Variants in TIMP3 observed in about 807,000 individuals in gnomAD.
TIMP3 encodes TIMP metallopeptidase inhibitor 3, also known as metalloproteinase inhibitor 3.
Under a neutral mutation model 30.0 loss-of-function variants are expected in TIMP3, and 11 were observed. The ratio of observed to expected loss-of-function variants is 0.37; its 90% confidence interval spans 0.23 to 0.61. The LOEUF (loss-of-function observed/expected upper bound fraction) is 0.61, where lower values mean the gene tolerates loss of function less well. Ranked by LOEUF, TIMP3 falls within the 20% of genes least tolerant of loss-of-function variation. The probability of loss-of-function intolerance (pLI) is 0.70; values close to 1 mark genes in which losing one functional copy is unlikely to be tolerated. For missense variants in TIMP3, 181 were observed against 276.8 expected (o/e 0.65, Z 2.45); for synonymous variants, 112 against 111.3 (o/e 1.01, Z -0.04).
At position 32,861,442 on chromosome 22, in the gene TIMP3, G is replaced by A. The variant is rs1310498122; in HGVS notation, c.*2065G>A. ...GTTTTGAAGGGATGAGCCCAGACTT[G>A]ATGTTTTGGGATTGTCCTTATTTTA... On this transcript the variant is annotated 3_prime_UTR_variant, in exon 5 of 5. Coordinates refer to ENST00000266085, the MANE Select transcript of TIMP3 (RefSeq NM_000362.5). 1 of 152,228 alleles carries A rather than the reference G, an allele frequency of 6.6e-6. No individual in the cohort carries two copies. The highest frequency in any genetic ancestry group is 1.5e-5 in the Non-Finnish European group (1 of 68,028). 9.4% of individuals were successfully genotyped at this position (152,228 alleles called of 1,614,324 possible).
At chr22:32,812,384 T>A (rs1386113854) in intron 1 of TIMP3, among the ~76,000 whole-genome samples, 2 of 152,180 alleles carry the variant, frequency 1.3e-5, no homozygotes, top group African/African-American at 4.8e-5. Flanking sequence ...GATGACATAT[T>A]TGACCACCAA....
intron 2 of TIMP3, among the ~76,000 whole-genome samples, chr22:32,851,704 G>A (rs1433973785): frequency 1.3e-5 from 2 of 152,250 alleles, no homozygotes; most frequent in East Asian, 1.9e-4. Flanking sequence ...CTGAGGCATC[G>A]GAATTTCTTC....
At chr22:32,812,874 T>C (rs1414195722) in intron 1 of TIMP3, among the ~76,000 whole-genome samples, 2 of 152,124 alleles carry the variant, frequency 1.3e-5, no homozygotes, top group Non-Finnish European at 2.9e-5. Context: ...CTGAGGAAGT[T>C]TGGAAGGTCA....
intron 1 of TIMP3, among the ~76,000 whole-genome samples, chr22:32,840,471 C>T (rs1025005151): frequency 1.3e-5 from 2 of 152,056 alleles, no homozygotes; most frequent in Admixed American, 1.3e-4. Context: ...AGAGAGAGTT[C>T]CTCTTCACTC....
chr22:32,801,856 A>C lies in TIMP3; in HGVS notation c.-146A>C. ...TGCGCCCCATCCCGTCCCGCCGGGC[A>C]CTCGGAGGGCAGCGCGCCGGAGGCC... is the stretch of plus-strand genomic sequence containing the variant. On this transcript the variant is annotated 5_prime_UTR_variant, in exon 1 of 5. Coordinates refer to ENST00000266085, the MANE Select transcript of TIMP3 (RefSeq NM_000362.5). The surrounding 1 kb of genome is among the most constrained non-coding windows in gnomAD (Gnocchi z 4.7). 9.6e-7 allele frequency: 1 copy of C among 1,037,006 alleles called. No homozygotes were observed. The highest frequency in any genetic ancestry group is 1.2e-6 in the Non-Finnish European group (1 of 816,060). The allele number at this position is 1,037,006 out of a possible 1,614,324, so 64.2% of individuals were successfully genotyped here.
chr22:32,812,441 C>A (rs540068280), intron 1 of TIMP3, among the ~76,000 whole-genome samples: 1 of 152,186 alleles, frequency 6.6e-6, no homozygotes, highest in African/African-American at 2.4e-5. Context: ...AGCAACCTTG[C>A]AGACTTAGTC....
chr22:32,856,996 T>C (rs1569279746), intron 2 of TIMP3, among the ~76,000 whole-genome samples: 1 of 152,242 alleles, frequency 6.6e-6, no homozygotes, highest in South Asian at 2.1e-4. Flanking sequence ...GATTTCATTC[T>C]TTTTTCTGGA....
intron 1 of TIMP3, among the ~76,000 whole-genome samples, chr22:32,842,816 G>A (rs1440926080): frequency 6.6e-6 from 1 of 152,240 alleles, no homozygotes; most frequent in South Asian, 2.1e-4. Context: ...TGCTGATGGC[G>A]ATGACTTCTA....
chr22:32,860,911 GTGTT>G lies in TIMP3; in HGVS notation c.*1536_*1539del, dbSNP rs2048516991. The G allele has an allele frequency of 1.0e-5, 1 of 98,832 alleles. No individual in the cohort carries two copies. Among genetic ancestry groups the G allele is most frequent in the Admixed American group, 9.2e-5 (1 of 10,846 alleles). The allele number at this position is 98,832 out of a possible 1,614,324, so 6.1% of individuals were successfully genotyped here. A position where few individuals can be genotyped will look rare whatever the true frequency, so the allele number is the denominator to read the frequency against. On this transcript the variant is annotated 3_prime_UTR_variant, in exon 5 of 5. Coordinates refer to ENST00000266085, the MANE Select transcript of TIMP3 (RefSeq NM_000362.5). ...TGCAACCAGTTGTAGGGTTTCTGTT[GTGTT>G]TTTTTTTTTTTTTTTGAAATAAAAC...
intron 1 of TIMP3, among the ~76,000 whole-genome samples, chr22:32,817,133 G>A (rs553226419): frequency 6.6e-6 from 1 of 151,822 alleles, no homozygotes; most frequent in Non-Finnish European, 1.5e-5. Flanking sequence ...TGGGAGAATC[G>A]CTTGAGTCCA....
intron 1 of TIMP3, among the ~76,000 whole-genome samples, chr22:32,813,345 C>T (rs978816037): frequency 5.3e-5 from 8 of 152,196 alleles, no homozygotes; most frequent in Admixed American, 2.0e-4. Flanking sequence ...TGTGGTGAAC[C>T]GTACAGTCCA....
At chr22:32,814,159 A>AGG (rs1234254406) in intron 1 of TIMP3, among the ~76,000 whole-genome samples, 1 of 130,706 alleles carries the variant, frequency 7.7e-6, no homozygotes, top group Non-Finnish European at 1.6e-5. Flanking sequence ...AGAGAGAGAG[A>AGG]GAGAGAGAAA....
rs74867892 is a variant in TIMP3, at chr22:32,839,701, C to G, written c.122-9751C>G. Among the ~76,000 whole-genome samples, 413 of 152,260 alleles carry G rather than the reference C, an allele frequency of 2.7e-3. 8 individuals carry two copies. In the East Asian group the frequency reaches 0.062, roughly 23 times the overall value. On this transcript the variant is annotated intron_variant, in intron 1 of 4. Transcript: ENST00000266085. ...ATTCATCCCAAGTCCAGGCATATAC[C>G]TAGAAGGAGCGACTCTTAAATTTTG...
chr22:32,830,614 G>A (rs1318064592), intron 1 of TIMP3, among the ~76,000 whole-genome samples: 1 of 152,184 alleles, frequency 6.6e-6, no homozygotes, highest in Non-Finnish European at 1.5e-5. Flanking sequence ...AGATATGCGA[G>A]TTAAAGGAAT....
chr22:32,818,752 A>G (rs192178734), intron 1 of TIMP3, among the ~76,000 whole-genome samples: 1 of 152,272 alleles, frequency 6.6e-6, no homozygotes. Context: ...GGAAAGTCTC[A>G]GGATAAAACT....
chr22:32,802,775 A>G (rs1376480226), intron 1 of TIMP3, among the ~76,000 whole-genome samples: 2 of 152,220 alleles, frequency 1.3e-5, no homozygotes, highest in Non-Finnish European at 2.9e-5. Flanking sequence ...GATAGCCAGC[A>G]GAAGGTGCGA....
At chr22:32,833,738 C>G (rs1488685117) in intron 1 of TIMP3, 1 of 493,452 alleles carries the variant, frequency 2.0e-6, no homozygotes, top group Non-Finnish European at 4.1e-6. Flanking sequence ...GGGAGAGTCA[C>G]TTCTTCTTTA....
chr22:32,832,673 G>GTATTTTATTT lies in TIMP3; in HGVS notation c.122-16759_122-16750dup, dbSNP rs564439917. On this transcript the variant is annotated intron_variant, in intron 1 of 4. Transcript: ENST00000266085. ...CAGAGTCTGGTTTGAAAACCCTCGA[G>GTATTTTATTT]TATTTTATTTTATTTTATTTTATTT... Among the ~76,000 whole-genome samples, 802 of 151,568 alleles carry GTATTTTATTT rather than the reference G, an allele frequency of 5.3e-3. 5 individuals are homozygous for GTATTTTATTT. The highest frequency in any genetic ancestry group is 0.018 in the South Asian group (86 of 4,784).
intron 1 of TIMP3, among the ~76,000 whole-genome samples, chr22:32,808,442 C>T (rs377633040): frequency 6.6e-6 from 1 of 152,100 alleles, no homozygotes; most frequent in South Asian, 2.1e-4. Context: ...CCAAGAAGGA[C>T]GCTGGGGTCT....
Sources: allele counts gnomAD v4.1 joint callset (sites outside exome capture counted in the v4.1 genomes callset), GRCh38; gene constraint gnomAD v4.1.1; non-coding constraint Gnocchi (gnomAD v3.1); transcripts MANE v1.5; gene names NCBI Gene and HGNC (gene_info 2026-07-23, HGNC 2026-07-21).